Variants in SIPA1L1 observed in about 807,000 individuals in gnomAD.
SIPA1L1 encodes signal induced proliferation associated 1 like 1.
SIPA1L1 carries 26 observed loss-of-function variants against 162.7 expected under a neutral mutation model. The observed-to-expected ratio is 0.16, with a 90% CI of 0.12 to 0.22. SIPA1L1 has a LOEUF of 0.22. Ranked by LOEUF, SIPA1L1 falls within the 10% of genes least tolerant of loss-of-function variation. SIPA1L1 has a pLI of 1.00. For missense variants in SIPA1L1, 1,874 were observed against 2,241.0 expected, an observed-to-expected ratio of 0.84 and a Z score of 3.31; for synonymous variants, 829 against 837.4, an observed-to-expected ratio of 0.99 and a Z score of 0.17.
At chr14:71,368,306 C>T (rs1358112038) in intron 2 of SIPA1L1, among the ~76,000 whole-genome samples, 1 of 141,096 alleles carries the variant, frequency 7.1e-6, no homozygotes. Context: ...GCTATCCCTC[C>T]CCGCTCCCCC....
Position 71,670,204 on chromosome 14 carries a change from C to G in SIPA1L1, c.2256-915C>G, listed in dbSNP as rs1159870040. Reference sequence around the variant, plus strand: ...TATAAAACACTCAACCTCTCTATTTCTATATCAACAACTTCCTTTGTTGTT... The same window carrying G: ...TATAAAACACTCAACCTCTCTATTTGTATATCAACAACTTCCTTTGTTGTT... On this transcript the variant is annotated intron_variant, in intron 10 of 23. Transcript: ENST00000381232. 2.0e-5 allele frequency among the ~76,000 whole-genome samples: 3 copies of G among 152,180 alleles called. No homozygotes were observed. In the East Asian group the frequency reaches 5.8e-4, roughly 29 times the overall value.
chr14:71,435,835 CTGT>C (rs1567020396), intron 2 of SIPA1L1, among the ~76,000 whole-genome samples: 1 of 152,194 alleles, frequency 6.6e-6, no homozygotes, highest in Non-Finnish European at 1.5e-5. Flanking sequence ...TCTCCAGCAC[CTGT>C]TGTTGCCTAA....
At chr14:71,447,678 C>G (rs1267990757) in intron 2 of SIPA1L1, among the ~76,000 whole-genome samples, 2 of 151,414 alleles carry the variant, frequency 1.3e-5, no homozygotes, top group Non-Finnish European at 2.9e-5. Flanking sequence ...ATTTTTGTGC[C>G]TCAGGCTCCT....
chr14:71,444,888 T>C (rs1209590896), intron 2 of SIPA1L1, among the ~76,000 whole-genome samples: 1 of 152,182 alleles, frequency 6.6e-6, no homozygotes, highest in Non-Finnish European at 1.5e-5. Flanking sequence ...CTAAAGCCTG[T>C]ATAGGGAGCT....
chr14:71,377,259 G>A lies in SIPA1L1; in HGVS notation c.-465+56078G>A, dbSNP rs931157458. ...GGGGGTGCCCCCCCACCTCCCAGAC[G>A]GGGCGGCGGCCGGACGGGGGCGTTC... On this transcript the variant is annotated intron_variant, in intron 2 of 23. Transcript: ENST00000381232. This position sits in a 1 kb window ranked among gnomAD's most constrained non-coding sequence, Gnocchi z 4.8. Among the ~76,000 whole-genome samples the A allele has an allele frequency of 3.9e-5, 6 of 151,912 alleles. No homozygotes were observed. The highest frequency in any genetic ancestry group is 2.1e-4 in the South Asian group (1 of 4,826).
intron 3 of SIPA1L1, among the ~76,000 whole-genome samples, chr14:71,521,422 T>C (rs2052343046): frequency 6.6e-6 from 1 of 152,202 alleles, no homozygotes; most frequent in South Asian, 2.1e-4. Context: ...AGCTGCTCCA[T>C]GTCCCTGTGT....
chr14:71,446,018 T>C (rs1461236794), intron 2 of SIPA1L1, among the ~76,000 whole-genome samples: 1 of 152,018 alleles, frequency 6.6e-6, no homozygotes, highest in African/African-American at 2.4e-5. Flanking sequence ...CCAACTAATT[T>C]TGTTATTTTT....
At chr14:71,449,182 C>T (rs1410804198) in intron 2 of SIPA1L1, among the ~76,000 whole-genome samples, 3 of 152,156 alleles carry the variant, frequency 2.0e-5, no homozygotes, top group Non-Finnish European at 2.9e-5. Flanking sequence ...AAGGCTGCTG[C>T]TTTTTCAGGT....
chr14:71,438,214 G>A (rs1044112552), intron 2 of SIPA1L1, among the ~76,000 whole-genome samples: 1 of 152,140 alleles, frequency 6.6e-6, no homozygotes, highest in Non-Finnish European at 1.5e-5. Context: ...AGCTAGGTAT[G>A]CTTTTTTTTC....
At chr14:71,660,679 G>C (rs769238050) in intron 9 of SIPA1L1, among the ~76,000 whole-genome samples, 62 of 152,248 alleles carry the variant, frequency 4.1e-4, no homozygotes, top group Non-Finnish European at 8.2e-4. Context: ...ACTGACCTAG[G>C]ATGATTTGGG....
chr14:71,579,831 A>G (rs1411008621), intron 4 of SIPA1L1, among the ~76,000 whole-genome samples: 1 of 152,120 alleles, frequency 6.6e-6, no homozygotes, highest in Non-Finnish European at 1.5e-5. Flanking sequence ...TTCTTTTTGG[A>G]ACATAAATAT....
intron 20 of SIPA1L1, 64 bp from the exon 21 acceptor site, chr14:71,733,602 G>T: frequency 6.6e-7 from 1 of 1,516,464 alleles, no homozygotes; most frequent in Non-Finnish European, 9.0e-7. Context: ...ACAGGAAAGA[G>T]GTAAGTTTTG....
At chr14:71,627,697 C>T (rs2040171778) in intron 7 of SIPA1L1, among the ~76,000 whole-genome samples, 1 of 152,054 alleles carries the variant, frequency 6.6e-6, no homozygotes, top group Non-Finnish European at 1.5e-5. Flanking sequence ...CTGATTTAAT[C>T]CTCACAGCAA....
intron 8 of SIPA1L1, among the ~76,000 whole-genome samples, chr14:71,657,523 T>A (rs1596701384): frequency 1.3e-5 from 2 of 152,064 alleles, no homozygotes; most frequent in South Asian, 4.1e-4. Context: ...GTGGGAACAC[T>A]GATTCTGAAA....
Position 71,509,695 on chromosome 14 carries a change from G to A in SIPA1L1, c.-464-3048G>A, listed in dbSNP as rs2050958317. Among the ~76,000 whole-genome samples the A allele has an allele frequency of 3.4e-5, 5 of 147,200 alleles. No individual in the cohort carries two copies. In the South Asian group the frequency reaches 8.5e-4, roughly 25 times the overall value. ...GGAGGCGGAGGTTGCAGTGAACTGA[G>A]ATCACGCCATTGCACTCCAGCCTGG... On this transcript the variant is annotated intron_variant, in intron 2 of 23. Coordinates refer to ENST00000381232, the MANE Select transcript of SIPA1L1 (RefSeq NM_001386936.1).
At chr14:71,724,928 T>A (rs1304458355) in intron 19 of SIPA1L1, 93 bp downstream of exon 19, 29 of 1,148,860 alleles carry the variant, frequency 2.5e-5, no homozygotes, top group Non-Finnish European at 3.4e-5. Context: ...AAAGTGTTGG[T>A]TACTGGCTGC....
intron 8 of SIPA1L1, among the ~76,000 whole-genome samples, chr14:71,654,431 G>T (rs909590382): frequency 6.6e-6 from 1 of 152,132 alleles, no homozygotes; most frequent in African/African-American, 2.4e-5. Context: ...TGGATTATTT[G>T]GGGGAATTAT....
chr14:71,548,065 T>A (rs2055410613), intron 4 of SIPA1L1, among the ~76,000 whole-genome samples: 1 of 152,242 alleles, frequency 6.6e-6, no homozygotes, highest in Non-Finnish European at 1.5e-5. Flanking sequence ...TATTTTTAGA[T>A]AATTAAATTA....
intron 10 of SIPA1L1, among the ~76,000 whole-genome samples, chr14:71,669,776 C>A (rs142997368): frequency 2.0e-4 from 30 of 152,296 alleles, no homozygotes; most frequent in African/African-American, 7.0e-4. Flanking sequence ...TTTAAAAATA[C>A]ACTTGTAAAA....
Sources: gnomAD v4.1 joint callset for allele counts (sites outside exome capture counted in the v4.1 genomes callset) on GRCh38, gnomAD v4.1.1 for gene constraint, Gnocchi (gnomAD v3.1) non-coding constraint, MANE v1.5 for transcripts, NCBI Gene and HGNC (gene_info 2026-07-23, HGNC 2026-07-21) for gene names.